Variants in SBNO2 observed in about 807,000 individuals in gnomAD.
SBNO2 encodes strawberry notch homolog 2.
In SBNO2, 89 loss-of-function variants were observed where a neutral mutation model predicts 146.3. The observed-to-expected ratio is 0.61, with a 90% CI of 0.51 to 0.73. SBNO2 has a LOEUF of 0.73. SBNO2 is among the 30% of genes least tolerant of loss of function. SBNO2 has a pLI of 0.00. For synonymous variants in SBNO2, 1,147 were observed against 892.6 expected (o/e 1.29, Z -5.08); for missense variants, 2,092 against 2,003.7 (o/e 1.04, Z -0.84).
intron 3 of SBNO2, 87 bp from the exon 4 acceptor site, chr19:1,147,507 A>G: frequency 1.3e-6 from 1 of 766,852 alleles, no homozygotes. Context: ...GGCCGCAGCC[A>G]GAGGCCCCTC....
At chr19:1,143,447 G>T (rs1660559754) in intron 4 of SBNO2, among the ~76,000 whole-genome samples, 1 of 152,276 alleles carries the variant, frequency 6.6e-6, no homozygotes, top group East Asian at 1.9e-4. Flanking sequence ...ACTCCAGGCT[G>T]AACAACAGAG....
intron 4 of SBNO2, among the ~76,000 whole-genome samples, chr19:1,142,156 T>TC (rs2080145379): frequency 2.8e-4 from 1 of 3,526 alleles, no homozygotes; most frequent in African/African-American, 6.4e-4. Flanking sequence ...CCACGATCAA[T>TC]CCTCACTCAA....
At chr19:1,115,809 T>A (rs917209081) in intron 17 of SBNO2, 1 of 601,000 alleles carries the variant, frequency 1.7e-6, no homozygotes, top group Non-Finnish European at 3.0e-6. Flanking sequence ...TCCTTCAGGC[T>A]GTCTGTTGCT....
At position 1,113,663 on chromosome 19, in the gene SBNO2, C is replaced by T. The variant is rs755980126; in HGVS notation, c.2119G>A (p.Val707Ile). ...LLQRDPHGPG[V>I]LERVERLKQD... The stretch of plus-strand genomic sequence containing the variant: ...TTCAGCCGCTCCACCCGCTCCAGGA[C>T]CCCGGGGCCATGCGGGTCTCTCTGC... Residue 707 changes from valine to isoleucine, a missense_variant, in exon 19 of 32, where the codon GTC (valine) becomes ATC (isoleucine). Physicochemically the swap from Val to Ile is conservative, Grantham distance 29. Coordinates refer to ENST00000361757, the MANE Select transcript of SBNO2 (RefSeq NM_014963.3). 4 of 1,595,388 alleles carry T rather than the reference C, an allele frequency of 2.5e-6. No individual in the cohort carries two copies. Among genetic ancestry groups the T allele is most frequent in the Non-Finnish European group, 3.4e-6 (4 of 1,172,110 alleles).
At chr19:1,124,469 C>T (rs1399764415) in intron 5 of SBNO2, among the ~76,000 whole-genome samples, 1 of 152,146 alleles carries the variant, frequency 6.6e-6, no homozygotes, top group East Asian at 1.9e-4. Context: ...TTGGGAGCTC[C>T]CTGTCGAGGG....
intron 3 of SBNO2, 78 bp downstream of exon 3, chr19:1,149,291 C>T: frequency 7.3e-7 from 1 of 1,370,270 alleles, no homozygotes; most frequent in Non-Finnish European, 1.0e-6. Flanking sequence ...TCGCGCCCTG[C>T]ACCCAGAACT....
rs896000275 is a variant in SBNO2, at chr19:1,140,219, G to T, written c.279+7090C>A. Among the ~76,000 whole-genome samples, 7 of 151,414 alleles carry T rather than the reference G, an allele frequency of 4.6e-5. No individual in the cohort carries two copies. Among genetic ancestry groups the T allele is most frequent in the African/African-American group, 1.5e-4 (6 of 41,140 alleles). ...GGAGGCTGAGGCGGGAGAATGGCAT[G>T]AACCCAGGAGGCGTTGGTTGCAGTG... On this transcript the variant is annotated intron_variant, in intron 4 of 31. Transcript: ENST00000361757. The surrounding 1 kb of genome is among the most constrained non-coding windows in gnomAD (Gnocchi z 4.4).
chr19:1,110,447 C>T lies in SBNO2; in HGVS notation c.3028+298G>A, dbSNP rs2079742425. Among the ~76,000 whole-genome samples the T allele has an allele frequency of 1.3e-5, 2 of 152,048 alleles. No individual in the cohort carries two copies. The highest frequency in any genetic ancestry group is 3.9e-4 in the East Asian group (2 of 5,184). On this transcript the variant is annotated intron_variant, in intron 26 of 31. Transcript: ENST00000361757. The surrounding 1 kb of genome is among the most constrained non-coding windows in gnomAD (Gnocchi z 4.9). The stretch of plus-strand genomic sequence containing the variant: ...CCCTGTGCCTGCATCCGCCCAGTCT[C>T]ACCCAGTACCCTCGCTCACCCAGGA...
In SBNO2 at chr19:1,126,238, A is replaced by C. The variant is rs902605125; in HGVS notation, c.441+1366T>G. Among the ~76,000 whole-genome samples, 2 of 152,196 alleles carry C rather than the reference A, an allele frequency of 1.3e-5. No homozygotes were observed. The highest frequency in any genetic ancestry group is 2.9e-5 in the Non-Finnish European group (2 of 68,036). ...AAGAAAGTGGAAGCGTGGCACAGGA[A>C]GGTTAGAAACCTATACTCAGTTGCC... is the stretch of plus-strand genomic sequence containing the variant. On this transcript the variant is annotated intron_variant, in intron 5 of 31. Transcript: ENST00000361757. The surrounding 1 kb of genome is among the most constrained non-coding windows in gnomAD (Gnocchi z 4.4).
intron 16 of SBNO2, 85 bp downstream of exon 16, chr19:1,116,744 G>T: frequency 8.1e-7 from 1 of 1,236,052 alleles, no homozygotes; most frequent in Non-Finnish European, 1.1e-6. Flanking sequence ...GGGGCCAAGG[G>T]GCAGGGTCAG....
intron 1 of SBNO2, among the ~76,000 whole-genome samples, chr19:1,169,911 C>T (rs1316342728): frequency 6.6e-6 from 1 of 152,192 alleles, no homozygotes; most frequent in African/African-American, 2.4e-5. Flanking sequence ...ACAGCCGTGT[C>T]CCCAACAGCA....
rs1252837193 is a variant in SBNO2 at position 1,157,880 on chromosome 19, C to T, written c.-126-3478G>A. Among the ~76,000 whole-genome samples, 5 of 151,056 alleles carry T rather than the reference C, an allele frequency of 3.3e-5. No individual in the cohort carries two copies. The highest frequency in any genetic ancestry group is 5.9e-5 in the Non-Finnish European group (4 of 67,790). On this transcript the variant is annotated intron_variant, in intron 1 of 31. Transcript: ENST00000361757. The surrounding 1 kb of genome is among the most constrained non-coding windows in gnomAD (Gnocchi z 6.8). The stretch of plus-strand genomic sequence containing the variant: ...TCTTGAGTCCGGGTAACTGCATCTG[C>T]CTCCCAGCTCTCTCTCCTGAGTCCG...
rs1019751798 is a variant in SBNO2 at position 1,113,825 on chromosome 19, G to A, written c.2078-121C>T. 7.8e-6 allele frequency: 10 copies of A among 1,280,794 alleles called. No individual in the cohort carries two copies. The African/African-American group carries it at 9.4e-5, about 12-fold the overall frequency. The allele number at this position is 1,280,794 out of a possible 1,614,324, so 79.3% of individuals were successfully genotyped here. A position where few individuals can be genotyped will look rare whatever the true frequency, so the allele number is the denominator to read the frequency against. On this transcript the variant is annotated intron_variant, in intron 18 of 31. Transcript: ENST00000361757. ...CCCGGGGCAACCCTGAGGGACGGCA[G>A]GGTGGCGGGGAAGCCCGGCACCGTG... is the stretch of plus-strand genomic sequence containing the variant.
At chr19:1,121,946 G>A (rs2079905325) in intron 11 of SBNO2, among the ~76,000 whole-genome samples, 193 bp downstream of exon 11, 1 of 152,112 alleles carries the variant, frequency 6.6e-6, no homozygotes, top group South Asian at 2.1e-4. Flanking sequence ...GCTGGGGGCT[G>A]GGTGGCCACA....
intron 1 of SBNO2, chr19:1,168,561 G>A (rs1347387725): frequency 6.6e-6 from 1 of 152,282 alleles, no homozygotes; most frequent in Non-Finnish European, 1.5e-5. Flanking sequence ...TCCCCACGAA[G>A]CCTGGCCCTC....
At chr19:1,134,771 G>A (rs1018432980) in intron 4 of SBNO2, among the ~76,000 whole-genome samples, 1 of 152,236 alleles carries the variant, frequency 6.6e-6, no homozygotes, top group South Asian at 2.1e-4. Flanking sequence ...ATTTGGGCCC[G>A]GCACGGTGGC....
chr19:1,131,291 C>A (rs1466257587), intron 4 of SBNO2, among the ~76,000 whole-genome samples: 1 of 152,222 alleles, frequency 6.6e-6, no homozygotes, highest in African/African-American at 2.4e-5. Context: ...AGCACCAAGG[C>A]CCCTCAAGGG....
rs1186147820 is a variant in SBNO2 at position 1,110,725 on chromosome 19, A to C, written c.3028+20T>G. Reference sequence around the variant, plus strand: ...CCGCACCCACACCCACCCACACCACACCCCGGCACCTGTGCTCACCCAGGA... The same window carrying C: ...CCGCACCCACACCCACCCACACCACCCCCCGGCACCTGTGCTCACCCAGGA... On this transcript the variant is annotated intron_variant, in intron 26 of 31. Coordinates refer to ENST00000361757, the MANE Select transcript of SBNO2 (RefSeq NM_014963.3). The surrounding 1 kb of genome is among the most constrained non-coding windows in gnomAD (Gnocchi z 4.9). 1.2e-6 allele frequency: 2 copies of C among 1,602,788 alleles called. No individual in the cohort carries two copies. The highest frequency in any genetic ancestry group is 1.7e-5 in the Admixed American group (1 of 59,180).
At chr19:1,117,604 G>C (rs1210044555) in intron 14 of SBNO2, 105 bp from the exon 15 acceptor site, 3 of 1,202,594 alleles carry the variant, frequency 2.5e-6, no homozygotes, top group African/African-American at 1.5e-5. Context: ...CCCACGCCAG[G>C]TGGAATTTAG....
Sources: gnomAD v4.1 joint callset for allele counts (sites outside exome capture counted in the v4.1 genomes callset) on GRCh38, gnomAD v4.1.1 for gene constraint, Gnocchi (gnomAD v3.1) non-coding constraint, MANE v1.5 for transcripts, NCBI Gene and HGNC (gene_info 2026-07-23, HGNC 2026-07-21) for gene names.